Variants in SPINT1 observed in about 807,000 individuals in gnomAD.
SPINT1 encodes kunitz-type protease inhibitor 1.
SPINT1 carries 38 observed loss-of-function variants against 53.7 expected under a neutral mutation model. That is an observed-to-expected ratio of 0.71 (90% confidence interval 0.55 to 0.93). SPINT1 has a LOEUF of 0.93. SPINT1 is among the 40% of genes least tolerant of loss of function. The pLI is 0.00. For missense variants in SPINT1, 645 were observed against 692.9 expected (o/e 0.93, Z 0.78); for synonymous variants, 283 against 280.6 (o/e 1.01, Z -0.08).
Position 40,853,781 on chromosome 15 carries a change from G to A in SPINT1, c.813G>A (p.Thr271=), listed in dbSNP as rs766418662. 6.2e-6 allele frequency: 10 copies of A among 1,614,208 alleles called. No individual in the cohort carries two copies. The highest frequency in any genetic ancestry group is 8.5e-6 in the Non-Finnish European group (10 of 1,180,028). ...GSFPRWYYDP[T]EQICKSFVYG... ...TCCCACGCTGGTACTATGACCCCAC[G>A]GAGCAGATCTGCAAGAGTTTCGTTT... Residue 271 remains threonine (T), a synonymous_variant, in exon 5 of 11, where the codon ACG becomes ACA. Transcript: ENST00000562057.
chr15:40,856,324 G>A lies in SPINT1; in HGVS notation c.1336+1G>A, dbSNP rs1368985103. On this transcript the variant is annotated splice_donor_variant, in intron 10 of 10. Transcript: ENST00000562057. LOFTEE classifies it high-confidence loss of function. ...CGGGAAATCCCCATTCCCAGCACAG[G>A]TAAGCCCTGATCTGTCCTGTAACTG... is the stretch of plus-strand genomic sequence containing the variant. 5 of 1,614,170 alleles carry A rather than the reference G, an allele frequency of 3.1e-6. No individual in the cohort carries two copies. Among genetic ancestry groups the A allele is most frequent in the Non-Finnish European group, 4.2e-6 (5 of 1,180,028 alleles).
Position 40,854,538 on chromosome 15 carries a change from T to C in SPINT1, c.1066+16T>C. 6.2e-7 allele frequency: 1 copy of C among 1,613,628 alleles called. No individual in the cohort carries two copies. Among genetic ancestry groups the C allele is most frequent in the Non-Finnish European group, 8.5e-7 (1 of 1,179,770 alleles). ...TGTGAAAAATGTGAGGCCTGGGGGA[T>C]AGAGGGGGTTGGGCAGCAGACAGGG... On this transcript the variant is annotated intron_variant, in intron 7 of 10. Transcript: ENST00000562057.
At chr15:40,850,368 G>A (rs755754238) in intron 2 of SPINT1, among the ~76,000 whole-genome samples, 5 of 152,214 alleles carry the variant, frequency 3.3e-5, no homozygotes, top group Non-Finnish European at 7.3e-5. Context: ...ACCGCACCCG[G>A]CTGTTGTTTT....
rs1173639414 is a variant in SPINT1 at position 40,857,178 on chromosome 15, C to G, written c.*203C>G. 1.4e-6 allele frequency: 1 copy of G among 700,774 alleles called. No individual in the cohort carries two copies. The highest frequency in any genetic ancestry group is 2.3e-6 in the Non-Finnish European group (1 of 432,662). The allele number at this position is 700,774 out of a possible 1,614,324, so 43.4% of individuals were successfully genotyped here. ...TCAAAGGTTTGGAAGGAGCAGAAAA[C>G]CCTTGGGCCAGAAGTACCAGACTAG... On this transcript the variant is annotated 3_prime_UTR_variant, in exon 11 of 11. Coordinates refer to ENST00000562057, the MANE Select transcript of SPINT1 (RefSeq NM_003710.4).
chr15:40,847,605 T>C (rs761885892), intron 2 of SPINT1, among the ~76,000 whole-genome samples: 11 of 152,138 alleles, frequency 7.2e-5, no homozygotes, highest in Non-Finnish European at 1.3e-4. Flanking sequence ...TGCACTTCCC[T>C]GAGGTCCTGA....
intron 10 of SPINT1, 111 bp from the exon 11 acceptor site, chr15:40,856,659 T>A: frequency 6.5e-7 from 1 of 1,549,720 alleles, no homozygotes; most frequent in South Asian, 1.2e-5. Flanking sequence ...CGGGTGCCCA[T>A]GTCCTTCCAT....
chr15:40,847,281 C>T (rs1891323531), intron 2 of SPINT1, among the ~76,000 whole-genome samples: 1 of 152,160 alleles, frequency 6.6e-6, no homozygotes, highest in Admixed American at 6.5e-5. Context: ...GGTTTATTCT[C>T]ACCTGGGTCC....
rs779169094 is a variant in SPINT1, at chr15:40,844,478, C to T, written c.-65-12C>T. 2.8e-6 allele frequency: 4 copies of T among 1,419,276 alleles called. No homozygotes were observed. The highest frequency in any genetic ancestry group is 1.2e-5 in the South Asian group (1 of 86,840). 87.9% of individuals were successfully genotyped at this position (1,419,276 alleles called of 1,614,324 possible). Reference sequence around the variant, plus strand: ...GGTGTGTCTCCTCCTCTGTCCCCTCCCTTCTTCTCAGGTCACCAGCACCCT... The same window carrying T: ...GGTGTGTCTCCTCCTCTGTCCCCTCTCTTCTTCTCAGGTCACCAGCACCCT... On this transcript the variant is annotated splice_polypyrimidine_tract_variant and intron_variant, in intron 1 of 10. Transcript: ENST00000562057. The surrounding 1 kb of genome is among the most constrained non-coding windows in gnomAD (Gnocchi z 5.8).
In SPINT1 at chr15:40,853,531, G is replaced by A. The variant is rs1891526788; in HGVS notation, c.646G>A (p.Gly216Ser). ...NQVELWGLKE[G>S]TYLFQLTVTS... ...GGTGGAACTGTGGGGACTCAAGGAA[G>A]GCACCTACCTGTTCCAGCTGACAGT... Residue 216 changes from glycine (G) to serine (S), a missense_variant, in exon 4 of 11, where the codon GGC becomes AGC. Physicochemically the swap from Gly to Ser is moderately conservative, Grantham distance 56. Coordinates refer to ENST00000562057, the MANE Select transcript of SPINT1 (RefSeq NM_003710.4). The A allele has an allele frequency of 3.1e-6, 5 of 1,614,024 alleles. No individual in the cohort carries two copies. In the Admixed American group the frequency reaches 5.0e-5, roughly 16 times the overall value.
chr15:40,851,317 C>A (rs1891448882), intron 2 of SPINT1, among the ~76,000 whole-genome samples: 1 of 152,112 alleles, frequency 6.6e-6, no homozygotes, highest in Admixed American at 6.6e-5. Context: ...CCATGCCCAG[C>A]TAATTTTTTG....
chr15:40,853,154 T>G lies in SPINT1; in HGVS notation c.506T>G (p.Ile169Arg). The G allele has an allele frequency of 6.2e-7, 1 of 1,614,098 alleles. No homozygotes were observed. Among genetic ancestry groups the G allele is most frequent in the Non-Finnish European group, 8.5e-7 (1 of 1,179,970 alleles). ...GGGATCCCCAAGGCCTGGGCAGGCATAGACTTGAAGGTACAACCCCAGGAA... is the reference window on the plus strand; with the variant it reads ...GGGATCCCCAAGGCCTGGGCAGGCAGAGACTTGAAGGTACAACCCCAGGAA... The part of the protein sequence containing the change: ...GSGIPKAWAG[I>R]DLKVQPQEPL... The change falls in exon 3 of 11, where the codon ATA becomes AGA. Residue 169 changes from isoleucine (I) to arginine (R), a missense_variant. Coordinates refer to ENST00000562057, the MANE Select transcript of SPINT1 (RefSeq NM_003710.4).
At chr15:40,850,617 C>T (rs1314206653) in intron 2 of SPINT1, among the ~76,000 whole-genome samples, 1 of 152,228 alleles carries the variant, frequency 6.6e-6, no homozygotes, top group Non-Finnish European at 1.5e-5. Flanking sequence ...AATCCGGTTT[C>T]CCTTCTGCCT....
chr15:40,853,762 G>A lies in SPINT1; in HGVS notation c.794G>A (p.Arg265His), dbSNP rs948190794. The A allele has an allele frequency of 1.2e-6, 2 of 1,614,196 alleles. No homozygotes were observed. Among genetic ancestry groups the A allele is most frequent in the South Asian group, 1.1e-5 (1 of 91,090 alleles). ...KVGRCRGSFP[R>H]WYYDPTEQIC... ...GGTCGCTGCCGGGGCTCTTTCCCAC[G>A]CTGGTACTATGACCCCACGGAGCAG... The change falls in exon 5 of 11, where the codon CGC becomes CAC. Residue 265 changes from arginine (R) to histidine (H), a missense_variant. Physicochemically the swap from Arg to His is conservative, Grantham distance 29 (BLOSUM62 0). Transcript: ENST00000562057.
Position 40,844,916 on chromosome 15 carries a change from G to T in SPINT1, c.362G>T (p.Cys121Phe), listed in dbSNP as rs1891240566. 6.2e-7 allele frequency: 1 copy of T among 1,614,006 alleles called. No homozygotes were observed. The highest frequency in any genetic ancestry group is 1.3e-5 in the African/African-American group (1 of 75,044). Residue 121 changes from cysteine to phenylalanine, a missense_variant, in exon 2 of 11, where the codon TGC becomes TTC. By Grantham distance (205) the Cys-to-Phe change is radical. Transcript: ENST00000562057. The surrounding 1 kb of genome is among the most constrained non-coding windows in gnomAD (Gnocchi z 5.8). ...ATCGCCGCCTGCTTCCTCATCAACT[G>T]CCTCTACGAGCAGAACTTCGTGTGC... ...DAIAACFLIN[C>F]LYEQNFVCKF...
In SPINT1 at chr15:40,853,118, C is replaced by G; in HGVS notation, c.476-6C>G. Reference sequence around the variant, plus strand: ...TTGACCTTATCTCACTTTCTCTCCCCGCCAGGGTCTGGGATCCCCAAGGCC... The same window carrying G: ...TTGACCTTATCTCACTTTCTCTCCCGGCCAGGGTCTGGGATCCCCAAGGCC... On this transcript the variant is annotated splice_polypyrimidine_tract_variant and splice_region_variant and intron_variant, in intron 2 of 10. Coordinates refer to ENST00000562057, the MANE Select transcript of SPINT1 (RefSeq NM_003710.4). 1.2e-6 allele frequency: 2 copies of G among 1,613,132 alleles called. No individual in the cohort carries two copies. The highest frequency in any genetic ancestry group is 1.7e-6 in the Non-Finnish European group (2 of 1,179,558).
At position 40,854,642 on chromosome 15, in the gene SPINT1, C is replaced by T. The variant is rs199960318; in HGVS notation, c.1070C>T (p.Thr357Met). 8.1e-6 allele frequency: 13 copies of T among 1,614,092 alleles called. No individual in the cohort carries two copies. Among genetic ancestry groups the T allele is most frequent in the African/African-American group, 1.3e-5 (1 of 74,934 alleles). Residue 357 changes from threonine (T) to methionine (M), a missense_variant, in exon 8 of 11, where the codon ACG (threonine) becomes ATG (methionine). Coordinates refer to ENST00000562057, the MANE Select transcript of SPINT1 (RefSeq NM_003710.4). ...ASDEAACEKY[T>M]SGFDELQRIH... is the part of the protein sequence containing the mutation. ...CTCTGACCTTTCCTCTCTGCAGACA[C>T]GAGTGGCTTTGACGAGCTCCAGCGC...
rs1204378055 is a variant in SPINT1 at position 40,844,398 on chromosome 15, C to T, written c.-65-92C>T. The T allele has an allele frequency of 4.2e-5, 34 of 818,470 alleles. No homozygotes were observed. The Admixed American group carries it at 6.1e-4, about 15-fold the overall frequency. The allele number at this position is 818,470 out of a possible 1,614,324, so 50.7% of individuals were successfully genotyped here. On this transcript the variant is annotated intron_variant, in intron 1 of 10. Transcript: ENST00000562057. This position sits in a 1 kb window ranked among gnomAD's most constrained non-coding sequence, Gnocchi z 5.8. The stretch of plus-strand genomic sequence containing the variant: ...ATCCTGGGGTGCTCCGGTCCCTCCT[C>T]CCCGCCACTTCCTCCCGGCCGGCCC...
chr15:40,856,791 C>T lies in SPINT1; in HGVS notation c.1358C>T (p.Ala453Val). The stretch of plus-strand genomic sequence containing the variant: ...CCAGGCTCTGTGGAGATGGCTGTCG[C>T]AGTGTTCCTGGTCATCTGCATTGTG... ...PSTGSVEMAV[A>V]VFLVICIVVV... Residue 453 changes from alanine (A) to valine (V), a missense_variant, in exon 11 of 11, where the codon GCA becomes GTA. By Grantham distance (64) the Ala-to-Val change is moderately conservative. Coordinates refer to ENST00000562057, the MANE Select transcript of SPINT1 (RefSeq NM_003710.4). The T allele has an allele frequency of 1.2e-6, 2 of 1,614,192 alleles. No individual in the cohort carries two copies. The highest frequency in any genetic ancestry group is 2.2e-5 in the South Asian group (2 of 91,084).
At position 40,854,363 on chromosome 15, in the gene SPINT1, T is replaced by G. The variant is rs373907498; in HGVS notation, c.941-34T>G. Reference sequence around the variant, plus strand: ...AAGGTGGGCCCTGGGCACTTGTTCTTTGCTTGAGCCTGACCTCCCTTCCAC... The same window carrying G: ...AAGGTGGGCCCTGGGCACTTGTTCTGTGCTTGAGCCTGACCTCCCTTCCAC... On this transcript the variant is annotated intron_variant, in intron 6 of 10. Coordinates refer to ENST00000562057, the MANE Select transcript of SPINT1 (RefSeq NM_003710.4). 6.5e-5 allele frequency: 99 copies of G among 1,519,754 alleles called. No individual in the cohort carries two copies. The African/African-American group carries it at 1.1e-3, about 17-fold the overall frequency. The allele number at this position is 1,519,754 out of a possible 1,614,324, so 94.1% of individuals were successfully genotyped here.
Sources: gnomAD v4.1 joint callset for allele counts (sites outside exome capture counted in the v4.1 genomes callset) on GRCh38, gnomAD v4.1.1 for gene constraint, Gnocchi (gnomAD v3.1) non-coding constraint, MANE v1.5 for transcripts, NCBI Gene and HGNC (gene_info 2026-07-23, HGNC 2026-07-21) for gene names.